The following ARHGEF4 variants were observed in gnomAD, a reference collection of about 807,000 sequenced individuals.
ARHGEF4 encodes the protein APC-stimulated guanine nucleotide exchange factor 1.
A neutral mutation model predicts 162.0 loss-of-function variants in ARHGEF4; 119 were observed. The observed-to-expected ratio is 0.73, with a 90% CI of 0.63 to 0.86. ARHGEF4 has a LOEUF of 0.86. Among genes scored for constraint, ARHGEF4 ranks in the 40% least tolerant of loss-of-function variants. The probability of loss-of-function intolerance (pLI) is 0.00; values close to 1 mark genes in which losing one functional copy is unlikely to be tolerated. For synonymous variants in ARHGEF4, 1,014 were observed against 979.9 expected, an observed-to-expected ratio of 1.03 and a Z score of -0.65; for missense variants, 2,488 against 2,456.0, an observed-to-expected ratio of 1.01 and a Z score of -0.28.
rs371661886 is a variant in ARHGEF4 at position 131,039,051 on chromosome 2, G to A, written c.4305+19G>A. On this transcript the variant is annotated intron_variant, in intron 6 of 13. Transcript: ENST00000409359. Reference sequence around the variant, plus strand: ...CGTTCGGGTATGGTTCCAAGCCCCAGCTTCTCCCAAGTTGGGCCCATAAAA... The same window carrying A: ...CGTTCGGGTATGGTTCCAAGCCCCAACTTCTCCCAAGTTGGGCCCATAAAA... The A allele has an allele frequency of 6.3e-7, 1 of 1,592,688 alleles. No individual in the cohort carries two copies. Among genetic ancestry groups the A allele is most frequent in the Non-Finnish European group, 8.6e-7 (1 of 1,169,432 alleles).
intron 11 of ARHGEF4, among the ~76,000 whole-genome samples, chr2:131,044,001 A>G (rs1231890908): frequency 6.6e-6 from 1 of 152,030 alleles, no homozygotes; most frequent in Non-Finnish European, 1.5e-5. Context: ...CTCCTTGTCC[A>G]CGGGTGATCT....
At chr2:130,981,110 ACT>A (rs536188246) in intron 4 of ARHGEF4, among the ~76,000 whole-genome samples, 184 of 152,226 alleles carry the variant, frequency 1.2e-3, no homozygotes, top group African/African-American at 4.3e-3. Context: ...GAACCTTAAA[ACT>A]CTCATAGCTC....
intron 4 of ARHGEF4, among the ~76,000 whole-genome samples, chr2:130,953,097 A>G (rs1022686759): frequency 6.6e-6 from 1 of 152,224 alleles, no homozygotes; most frequent in African/African-American, 2.4e-5. Flanking sequence ...CCGCATTGCC[A>G]AGACAATCCT....
chr2:130,945,226 G>C lies in ARHGEF4; in HGVS notation c.3859-1283G>C, dbSNP rs75299138. 6.7e-4 allele frequency among the ~76,000 whole-genome samples: 102 copies of C among 152,050 alleles called. No homozygotes were observed. The East Asian group carries it at 0.016, about 23-fold the overall frequency. ...CTCCCAGGCACTTCCTGGTGTCTAG[G>C]AGCCCTCCTTTCCTAGTTTTCTTGA... On this transcript the variant is annotated intron_variant, in intron 3 of 13. Transcript: ENST00000409359.
intron 1 of ARHGEF4, among the ~76,000 whole-genome samples, chr2:130,885,205 T>G (rs1010698013): frequency 6.6e-6 from 1 of 152,132 alleles, no homozygotes; most frequent in Non-Finnish European, 1.5e-5. Flanking sequence ...TAATCATGTT[T>G]ACTTGTGCAT....
chr2:130,868,128 T>C (rs1574124695), intron 1 of ARHGEF4, among the ~76,000 whole-genome samples: 2 of 151,938 alleles, frequency 1.3e-5, no homozygotes, highest in African/African-American at 4.8e-5. Flanking sequence ...GGTTTCACCA[T>C]GTTAGCCAGG....
At chr2:130,976,349 CTGTGTGTG>C (rs70994727) in intron 4 of ARHGEF4, among the ~76,000 whole-genome samples, 1 of 147,984 alleles carries the variant, frequency 6.8e-6, no homozygotes, top group Non-Finnish European at 1.5e-5. Context: ...GTGTGTGTGT[CTGTGTGTG>C]TGTGTGTGTG....
chr2:130,844,566 G>C (rs916498183), intron 1 of ARHGEF4, among the ~76,000 whole-genome samples: 1 of 152,136 alleles, frequency 6.6e-6, no homozygotes, highest in Non-Finnish European at 1.5e-5. Context: ...TGCTCGAGAA[G>C]AGGTCTCCTT....
At chr2:130,897,732 G>T (rs1260547494) in intron 1 of ARHGEF4, among the ~76,000 whole-genome samples, 2 of 152,212 alleles carry the variant, frequency 1.3e-5, no homozygotes, top group African/African-American at 4.8e-5. Flanking sequence ...GGAAGCTGAG[G>T]TTCAGGCAGG....
In ARHGEF4 at chr2:130,961,962, C is replaced by T. The variant is rs545805391; in HGVS notation, c.3985+15327C>T. On this transcript the variant is annotated intron_variant, in intron 4 of 13. Coordinates refer to ENST00000409359, the MANE Select transcript of ARHGEF4 (RefSeq NM_001367493.1). ...AGGACAAGAAAGACTGGAAGCAGGCCGGGCGCGGTGGCTCATGCCTGTAAT... is the reference window on the plus strand; with the variant it reads ...AGGACAAGAAAGACTGGAAGCAGGCTGGGCGCGGTGGCTCATGCCTGTAAT... 1.6e-4 allele frequency among the ~76,000 whole-genome samples: 24 copies of T among 152,160 alleles called. 1 individual carries two copies. In the South Asian group the frequency reaches 3.9e-3, roughly 25 times the overall value.
chr2:130,964,628 C>T (rs1212156776), intron 4 of ARHGEF4, among the ~76,000 whole-genome samples: 1 of 152,226 alleles, frequency 6.6e-6, no homozygotes, highest in Non-Finnish European at 1.5e-5. Flanking sequence ...CTGGCTTTAC[C>T]TACCGCAGCT....
chr2:131,022,657 CA>C (rs61532647), intron 4 of ARHGEF4, among the ~76,000 whole-genome samples: 11,800 of 143,334 alleles, frequency 0.082, 847 homozygotes, highest in South Asian at 0.2. Context: ...ACACATTATA[CA>C]AAAAAAAAAA....
chr2:130,849,178 C>T (rs570149207), intron 1 of ARHGEF4, among the ~76,000 whole-genome samples: 1 of 152,338 alleles, frequency 6.6e-6, no homozygotes, highest in South Asian at 2.1e-4. Context: ...TAGTTTGTTT[C>T]TCAGTGTGCC....
intron 1 of ARHGEF4, among the ~76,000 whole-genome samples, chr2:130,880,765 G>A (rs1391358345): frequency 1.3e-5 from 2 of 151,998 alleles, no homozygotes; most frequent in African/African-American, 4.8e-5. Flanking sequence ...GAACTCCTGG[G>A]CTTAAGCAGT....
chr2:130,973,151 G>T (rs905506642), intron 4 of ARHGEF4, among the ~76,000 whole-genome samples: 1 of 152,236 alleles, frequency 6.6e-6, no homozygotes, highest in Non-Finnish European at 1.5e-5. Flanking sequence ...CCTACAGGAA[G>T]GATGCAAATA....
intron 1 of ARHGEF4, among the ~76,000 whole-genome samples, chr2:130,847,312 C>G (rs1399768365): frequency 6.6e-6 from 1 of 152,200 alleles, no homozygotes; most frequent in African/African-American, 2.4e-5. Context: ...CGCTTTTCAC[C>G]TGGAGTATGA....
At chr2:131,043,426 C>T (rs1283622745) in intron 10 of ARHGEF4, 26 bp from the exon 11 acceptor site, 4 of 1,613,360 alleles carry the variant, frequency 2.5e-6, no homozygotes, top group South Asian at 1.1e-5. Flanking sequence ...ATGCGAGGCT[C>T]ATGGTTCTCC....
chr2:130,896,860 T>A (rs1680186404), intron 1 of ARHGEF4, among the ~76,000 whole-genome samples: 1 of 152,174 alleles, frequency 6.6e-6, no homozygotes, highest in Admixed American at 6.5e-5. Context: ...TTGGGGGCTC[T>A]CCAATGGTTT....
intron 1 of ARHGEF4, among the ~76,000 whole-genome samples, chr2:130,874,295 T>C (rs1223119389): frequency 1.3e-5 from 2 of 152,318 alleles, no homozygotes; most frequent in East Asian, 3.9e-4. Flanking sequence ...TCCTCATGTG[T>C]TGGGAAAACA....
Sources: allele counts gnomAD v4.1 joint callset (sites outside exome capture counted in the v4.1 genomes callset), GRCh38; gene constraint gnomAD v4.1.1; transcripts MANE v1.5; gene names NCBI Gene and HGNC (gene_info 2026-07-23, HGNC 2026-07-21).